The following AXIN2 variants were observed in gnomAD, a reference collection of about 807,000 sequenced individuals.
AXIN2 encodes the protein axin 2, also known as axin-2.
In AXIN2, 21 loss-of-function variants were observed where a neutral mutation model predicts 74.7. That is an observed-to-expected ratio of 0.28 (90% CI 0.20 to 0.40). AXIN2 has a LOEUF of 0.40. AXIN2 is among the 10% of genes least tolerant of loss of function. The probability of loss-of-function intolerance (pLI) is 1.00; values close to 1 mark genes in which losing one functional copy is unlikely to be tolerated. For synonymous variants in AXIN2, 532 were observed against 454.9 expected (o/e 1.17, Z -2.16); for missense variants, 1,144 against 1,111.1 (o/e 1.03, Z -0.42).
intron 8 of AXIN2, among the ~76,000 whole-genome samples, 173 bp downstream of exon 8, chr17:65,536,147 G>A (rs2043910120): frequency 6.6e-6 from 1 of 152,192 alleles, no homozygotes; most frequent in Non-Finnish European, 1.5e-5. Flanking sequence ...TAACTGAAGG[G>A]AACAATTTCT....
intron 9 of AXIN2, among the ~76,000 whole-genome samples, chr17:65,534,680 G>C (rs2043878292): frequency 6.6e-6 from 1 of 152,054 alleles, no homozygotes; most frequent in Admixed American, 6.5e-5. Flanking sequence ...TGTAATCCCA[G>C]CACTTTGGGA....
chr17:65,533,297 A>T (rs945167760), intron 10 of AXIN2, among the ~76,000 whole-genome samples: 5 of 152,084 alleles, frequency 3.3e-5, no homozygotes, highest in Non-Finnish European at 7.4e-5. Flanking sequence ...CCCTGTGCCC[A>T]CCCGCAGGTC....
At chr17:65,559,171 T>C (rs1336779959) in intron 1 of AXIN2, among the ~76,000 whole-genome samples, 1 of 152,056 alleles carries the variant, frequency 6.6e-6, no homozygotes, top group Non-Finnish European at 1.5e-5. Flanking sequence ...CGCTAGGCTG[T>C]GTGCAGGTGA....
chr17:65,545,032 A>G (rs1267190598), intron 3 of AXIN2, among the ~76,000 whole-genome samples: 1 of 152,206 alleles, frequency 6.6e-6, no homozygotes, highest in Non-Finnish European at 1.5e-5. Context: ...ACCCCCATAA[A>G]TAAGATATAA....
At position 65,537,545 on chromosome 17, in the gene AXIN2, G is replaced by A. The variant is rs150292240; in HGVS notation, c.1491C>T (p.Cys497=). The part of the protein sequence containing the change: ...LPPAAASPGA[C]PLLGGKGFVT... ...CAAAGCCTTTGCCCCCGAGGAGGGG[G>A]CAGGCGCCCGGCGAGGCGGCCGCGG... Residue 497 remains cysteine (C), a synonymous_variant, in exon 6 of 11, where the codon TGC becomes TGT. Coordinates refer to ENST00000307078, the MANE Select transcript of AXIN2 (RefSeq NM_004655.4). 3.2e-5 allele frequency: 51 copies of A among 1,612,878 alleles called. No homozygotes were observed. The African/African-American group carries it at 6.1e-4, about 19-fold the overall frequency.
intron 3 of AXIN2, among the ~76,000 whole-genome samples, chr17:65,548,246 C>A (rs2044143738): frequency 6.6e-6 from 1 of 152,182 alleles, no homozygotes; most frequent in Non-Finnish European, 1.5e-5. Flanking sequence ...CCTGTACTAA[C>A]AAGGGAATTT....
intron 3 of AXIN2, 79 bp downstream of exon 3, chr17:65,549,441 A>T: frequency 1.3e-6 from 2 of 1,583,630 alleles, no homozygotes; most frequent in East Asian, 2.3e-5. Flanking sequence ...CCAGCTGAGG[A>T]TGACAGACGA....
At position 65,531,907 on chromosome 17, in the gene AXIN2, G is replaced by A. The variant is rs542829935; in HGVS notation, c.2406-1805C>T. Among the ~76,000 whole-genome samples the A allele has an allele frequency of 4.9e-5, 7 of 142,616 alleles. 1 individual carries two copies. The South Asian group carries it at 1.3e-3, about 26-fold the overall frequency. The allele number at this position is 142,616 out of a possible 152,430, so 93.6% of individuals were successfully genotyped here. On this transcript the variant is annotated intron_variant, in intron 10 of 10. Transcript: ENST00000307078. ...CCCCCACCTCCCACCCCTGCTCCAC[G>A]GCCCCAACCTCACTGGGTCTTTTTT...
intron 3 of AXIN2, among the ~76,000 whole-genome samples, chr17:65,547,013 C>G (rs925226970): frequency 6.6e-6 from 1 of 152,194 alleles, no homozygotes; most frequent in African/African-American, 2.4e-5. Context: ...AGAATAGGGA[C>G]TGGCAAAGGT....
Position 65,529,656 on chromosome 17 carries a change from T to C in AXIN2, c.*320A>G. On this transcript the variant is annotated 3_prime_UTR_variant, in exon 11 of 11. Transcript: ENST00000307078. ...AAGCTATACACAGTTTCTCTTAGTT[T>C]ATGGATTTCAGATCCCTAGGAAGTC... The C allele has an allele frequency of 4.5e-6, 2 of 449,072 alleles. No individual in the cohort carries two copies. The highest frequency in any genetic ancestry group is 8.3e-6 in the Non-Finnish European group (2 of 241,556). 27.8% of individuals were successfully genotyped at this position (449,072 alleles called of 1,614,324 possible).
intron 3 of AXIN2, among the ~76,000 whole-genome samples, chr17:65,544,116 T>G (rs1442463844): frequency 2.0e-5 from 3 of 151,996 alleles, no homozygotes; most frequent in Admixed American, 2.0e-4. Context: ...ATGACACAAG[T>G]GACATAAGGC....
At chr17:65,535,459 G>A (rs960418642) in intron 9 of AXIN2, among the ~76,000 whole-genome samples, 167 bp downstream of exon 9, 12 of 152,184 alleles carry the variant, frequency 7.9e-5, no homozygotes, top group African/African-American at 2.9e-4. Flanking sequence ...TTTGTCGGCA[G>A]GACATGGATG....
intron 3 of AXIN2, among the ~76,000 whole-genome samples, chr17:65,542,121 C>T (rs148712842): frequency 3.9e-5 from 6 of 152,162 alleles, no homozygotes; most frequent in African/African-American, 9.7e-5. Flanking sequence ...ACCAGTACAG[C>T]GTGATTAATA....
chr17:65,549,384 C>T, intron 3 of AXIN2, 136 bp downstream of exon 3: 4 of 1,083,278 alleles, frequency 3.7e-6, no homozygotes, highest in Non-Finnish European at 5.5e-6. Flanking sequence ...TCATACTCCC[C>T]TCCCACCAAA....
chr17:65,535,090 A>T (rs2043886000), intron 9 of AXIN2, among the ~76,000 whole-genome samples: 2 of 152,194 alleles, frequency 1.3e-5, no homozygotes, highest in African/African-American at 4.8e-5. Flanking sequence ...CTTGATACAG[A>T]CCATTTTAGA....
At position 65,546,659 on chromosome 17, in the gene AXIN2, A is replaced by G. The variant is rs2044123999; in HGVS notation, c.956+2861T>C. The stretch of plus-strand genomic sequence containing the variant: ...CCAAATGCACTCCTAATTAGTATAA[A>G]TGCCCAGGTGGGCACAACTGTGACA... On this transcript the variant is annotated intron_variant, in intron 3 of 10. Transcript: ENST00000307078. 2.0e-5 allele frequency among the ~76,000 whole-genome samples: 3 copies of G among 152,196 alleles called. No homozygotes were observed. The South Asian group carries it at 6.2e-4, about 31-fold the overall frequency.
At chr17:65,556,826 G>C (rs1393972812) in intron 2 of AXIN2, among the ~76,000 whole-genome samples, 1 of 152,134 alleles carries the variant, frequency 6.6e-6, no homozygotes, top group African/African-American at 2.4e-5. Context: ...CAGAGAGCAA[G>C]ATAAATCATT....
At chr17:65,544,153 T>C (rs2044082981) in intron 3 of AXIN2, among the ~76,000 whole-genome samples, 1 of 151,934 alleles carries the variant, frequency 6.6e-6, no homozygotes, top group African/African-American at 2.4e-5. Context: ...GAGTCCCCCG[T>C]CCACCCCCTC....
chr17:65,549,469 G>C, intron 3 of AXIN2, 51 bp downstream of exon 3: 1 of 1,608,170 alleles, frequency 6.2e-7, no homozygotes, highest in Non-Finnish European at 8.5e-7. Context: ...TAAGTGCTCA[G>C]GTGGCATCCA....
Sources: gnomAD v4.1 joint callset for allele counts (sites outside exome capture counted in the v4.1 genomes callset) on GRCh38, gnomAD v4.1.1 for gene constraint, MANE v1.5 for transcripts, NCBI Gene and HGNC (gene_info 2026-07-23, HGNC 2026-07-21) for gene names.